The following BRINP3 variants were observed in gnomAD, a reference collection of about 807,000 sequenced individuals.
BRINP3 encodes the protein BMP/retinoic acid inducible neural specific 3, also known as BMP/retinoic acid-inducible neural-specific protein 3.
Under a neutral mutation model 71.0 loss-of-function variants are expected in BRINP3, and 19 were observed. The ratio of observed to expected loss-of-function variants is 0.27; its 90% CI spans 0.19 to 0.39. The LOEUF (loss-of-function observed/expected upper bound fraction) is 0.39. Ranked by LOEUF, BRINP3 falls within the 10% of genes least tolerant of loss-of-function variation. The pLI is 1.00. For missense variants in BRINP3, 959 were observed against 940.8 expected (o/e 1.02, Z -0.25); for synonymous variants, 380 against 337.7 (o/e 1.13, Z -1.37).
chr1:190,250,265 T>A (rs2102811225), intron 4 of BRINP3, among the ~76,000 whole-genome samples: 1 of 152,080 alleles, frequency 6.6e-6, no homozygotes, highest in Non-Finnish European at 1.5e-5. Flanking sequence ...TGGAATTATA[T>A]ATCACATCAC....
chr1:190,339,852 G>T (rs949253840), intron 2 of BRINP3, among the ~76,000 whole-genome samples: 1 of 151,876 alleles, frequency 6.6e-6, no homozygotes, highest in Non-Finnish European at 1.5e-5. Flanking sequence ...TATAGACATT[G>T]TCCTGATTTT....
intron 3 of BRINP3, among the ~76,000 whole-genome samples, chr1:190,269,232 C>G (rs1015038380): frequency 6.6e-6 from 1 of 151,872 alleles, no homozygotes; most frequent in African/African-American, 2.4e-5. Context: ...CTAAGTGACA[C>G]CTAAATAGCA....
At position 190,098,810 on chromosome 1, in the gene BRINP3, T is replaced by C. The variant is rs1366124321; in HGVS notation, c.1509A>G (p.Lys503=). Residue 503 remains lysine (K), a synonymous_variant, in exon 8 of 8, where the codon AAA becomes AAG. Coordinates refer to ENST00000367462, the MANE Select transcript of BRINP3 (RefSeq NM_199051.3). ...QDLEMKYLLQ[K]TDRRIEVHAI... ...CATGGACTTCTATTCGTCTGTCCGTTTTCTGCAGCAGATATTTCATCTCGA... is the reference window on the plus strand; with the variant it reads ...CATGGACTTCTATTCGTCTGTCCGTCTTCTGCAGCAGATATTTCATCTCGA... The C allele has an allele frequency of 2.5e-6, 4 of 1,614,082 alleles. No homozygotes were observed. Among genetic ancestry groups the C allele is most frequent in the Non-Finnish European group, 3.4e-6 (4 of 1,180,042 alleles).
chr1:190,188,344 G>C (rs1352296149), intron 6 of BRINP3, among the ~76,000 whole-genome samples: 1 of 152,036 alleles, frequency 6.6e-6, no homozygotes, highest in Non-Finnish European at 1.5e-5. Context: ...TTATAATTTG[G>C]ATACCTTTTA....
chr1:190,128,622 C>T (rs572472404), intron 7 of BRINP3, among the ~76,000 whole-genome samples: 2 of 151,724 alleles, frequency 1.3e-5, no homozygotes, highest in Non-Finnish European at 3.0e-5. Flanking sequence ...TATAATTCCA[C>T]ACTCAATACA....
intron 2 of BRINP3, among the ~76,000 whole-genome samples, chr1:190,314,902 C>T (rs1665778766): frequency 6.6e-6 from 1 of 152,066 alleles, no homozygotes; most frequent in South Asian, 2.1e-4. Context: ...GAAGGTAAAA[C>T]AAAAACAAGA....
At chr1:190,128,154 A>G (rs750728226) in intron 7 of BRINP3, among the ~76,000 whole-genome samples, 2 of 151,780 alleles carry the variant, frequency 1.3e-5, no homozygotes, top group South Asian at 2.1e-4. Context: ...TGTGAATTTC[A>G]TAAGTTACTT....
At position 190,098,753 on chromosome 1, in the gene BRINP3, A is replaced by G. The variant is rs767037462; in HGVS notation, c.1566T>C (p.Asn522=). Residue 522 remains asparagine (N), a synonymous_variant, in exon 8 of 8, where the codon AAT becomes AAC. Coordinates refer to ENST00000367462, the MANE Select transcript of BRINP3 (RefSeq NM_199051.3). ...AIFISNDMRL[N]SWFDPSWRKR... ...TACGCCAGGAGGGATCAAACCAGCT[A>G]TTGAGGCGCATGTCATTGCTGATAA... 6 of 1,614,060 alleles carry G rather than the reference A, an allele frequency of 3.7e-6. No individual in the cohort carries two copies. The Admixed American group carries it at 8.3e-5, about 22-fold the overall frequency.
intron 2 of BRINP3, among the ~76,000 whole-genome samples, chr1:190,298,490 C>T (rs2102988389): frequency 6.6e-6 from 1 of 151,822 alleles, no homozygotes; most frequent in Non-Finnish European, 1.5e-5. Context: ...CTCAGCACTG[C>T]TTAAATCATG....
chr1:190,188,863 C>T (rs1038644735), intron 6 of BRINP3, among the ~76,000 whole-genome samples: 34 of 151,792 alleles, frequency 2.2e-4, no homozygotes, highest in African/African-American at 6.3e-4. Context: ...TGGGTTCAAG[C>T]GATTCTCCTG....
intron 2 of BRINP3, among the ~76,000 whole-genome samples, chr1:190,335,481 C>T (rs1455227589): frequency 1.3e-5 from 2 of 151,646 alleles, no homozygotes; most frequent in Non-Finnish European, 3.0e-5. Context: ...TAAATGTTTA[C>T]ATAATTGAAA....
intron 2 of BRINP3, among the ~76,000 whole-genome samples, chr1:190,360,111 C>T (rs1177970389): frequency 1.3e-5 from 2 of 152,082 alleles, no homozygotes; most frequent in African/African-American, 2.4e-5. Flanking sequence ...CTGTAAATTT[C>T]CCTCACTCTA....
intron 2 of BRINP3, among the ~76,000 whole-genome samples, chr1:190,422,972 T>C (rs1673478966): frequency 6.6e-6 from 1 of 151,834 alleles, no homozygotes; most frequent in Non-Finnish European, 1.5e-5. Context: ...AACTAGTTTT[T>C]CTCATCTGAT....
chr1:190,129,663 T>C (rs1654371966), intron 7 of BRINP3, among the ~76,000 whole-genome samples: 1 of 151,936 alleles, frequency 6.6e-6, no homozygotes, highest in Non-Finnish European at 1.5e-5. Flanking sequence ...AAGGATTGTT[T>C]TTAGTTGCCT....
chr1:190,358,733 T>G (rs1270292842), intron 2 of BRINP3, among the ~76,000 whole-genome samples: 1 of 152,154 alleles, frequency 6.6e-6, no homozygotes, highest in Non-Finnish European at 1.5e-5. Context: ...GTGGCACTAT[T>G]CACAATAGCA....
intron 2 of BRINP3, among the ~76,000 whole-genome samples, chr1:190,406,346 T>G (rs901748478): frequency 6.6e-6 from 1 of 152,164 alleles, no homozygotes; most frequent in African/African-American, 2.4e-5. Flanking sequence ...TACCATCATA[T>G]TTTAATATTC....
At chr1:190,103,893 T>C (rs1047560068) in intron 7 of BRINP3, among the ~76,000 whole-genome samples, 1 of 151,938 alleles carries the variant, frequency 6.6e-6, no homozygotes, top group African/African-American at 2.4e-5. Context: ...ACATCTCTCA[T>C]TCTGGGGCCA....
intron 1 of BRINP3, among the ~76,000 whole-genome samples, chr1:190,472,924 T>C (rs1029040736): frequency 2.6e-5 from 4 of 151,786 alleles, no homozygotes; most frequent in African/African-American, 9.7e-5. Flanking sequence ...AATCAAGATG[T>C]ATTGTAGTTT....
At chr1:190,242,787 A>T (rs1402396855) in intron 4 of BRINP3, among the ~76,000 whole-genome samples, 3 of 152,122 alleles carry the variant, frequency 2.0e-5, no homozygotes, top group Non-Finnish European at 1.5e-5. Context: ...GAATTATAAA[A>T]TTTAACCATA....
Sources: allele counts gnomAD v4.1 joint callset (sites outside exome capture counted in the v4.1 genomes callset), GRCh38; gene constraint gnomAD v4.1.1; transcripts MANE v1.5; gene names NCBI Gene and HGNC (gene_info 2026-07-23, HGNC 2026-07-21).